The following VSTM2L variants were observed in gnomAD, a reference collection of about 807,000 sequenced individuals.
VSTM2L encodes V-set and transmembrane domain containing 2 like.
In VSTM2L, 9 loss-of-function variants were observed where a neutral mutation model predicts 19.9. That is an observed-to-expected ratio of 0.45 (90% CI 0.27 to 0.79). The LOEUF (loss-of-function observed/expected upper bound fraction) is 0.79. Ranked by LOEUF, VSTM2L falls within the 30% of genes least tolerant of loss-of-function variation. The probability of loss-of-function intolerance (pLI) is 0.15; values close to 1 mark genes in which losing one functional copy is unlikely to be tolerated. For synonymous variants in VSTM2L, 127 were observed against 133.8 expected, an observed-to-expected ratio of 0.95 and a Z score of 0.35; for missense variants, 286 against 295.5, an observed-to-expected ratio of 0.97 and a Z score of 0.24.
intron 2 of VSTM2L, among the ~76,000 whole-genome samples, chr20:37,932,687 C>A (rs1309623965): frequency 6.6e-6 from 1 of 152,142 alleles, no homozygotes; most frequent in Non-Finnish European, 1.5e-5. Flanking sequence ...TCACCTTCTC[C>A]CCTACTTGTG....
intron 3 of VSTM2L, among the ~76,000 whole-genome samples, chr20:37,934,206 C>T (rs2072926804): frequency 2.0e-5 from 3 of 152,322 alleles, no homozygotes; most frequent in South Asian, 4.1e-4. Flanking sequence ...AGCTCTTTGT[C>T]ACCAGGCTGT....
intron 3 of VSTM2L, among the ~76,000 whole-genome samples, chr20:37,936,741 A>G (rs997098887): frequency 1.3e-5 from 2 of 151,410 alleles, no homozygotes; most frequent in African/African-American, 4.9e-5. Context: ...CACCTCCTCG[A>G]CTCTCCCTTT....
At chr20:37,921,438 G>C (rs1284938508) in intron 1 of VSTM2L, among the ~76,000 whole-genome samples, 1 of 152,192 alleles carries the variant, frequency 6.6e-6, no homozygotes, top group Non-Finnish European at 1.5e-5. Context: ...CCGGAGTAGG[G>C]AAAATGGGAT....
intron 3 of VSTM2L, among the ~76,000 whole-genome samples, chr20:37,940,438 G>C (rs2072965577): frequency 6.6e-6 from 1 of 152,256 alleles, no homozygotes; most frequent in Non-Finnish European, 1.5e-5. Flanking sequence ...GGAAGGCTCA[G>C]CATGAGGGAG....
At chr20:37,919,257 T>C (rs1219123991) in intron 1 of VSTM2L, among the ~76,000 whole-genome samples, 3 of 152,218 alleles carry the variant, frequency 2.0e-5, no homozygotes, top group African/African-American at 7.2e-5. Context: ...CTTCTTGGCT[T>C]CTTAGGAAGA....
At chr20:37,922,171 G>A (rs375082045) in intron 1 of VSTM2L, among the ~76,000 whole-genome samples, 8 of 152,074 alleles carry the variant, frequency 5.3e-5, no homozygotes, top group Non-Finnish European at 8.8e-5. Context: ...AACAGAAACT[G>A]TGCCTGTTCA....
At chr20:37,922,210 C>T (rs1438763087) in intron 1 of VSTM2L, among the ~76,000 whole-genome samples, 1 of 152,150 alleles carries the variant, frequency 6.6e-6, no homozygotes, top group East Asian at 1.9e-4. Context: ...TGCCCCCAGC[C>T]CCTGGCAACC....
chr20:37,945,320 A>C lies in VSTM2L; in HGVS notation c.*1067A>C, dbSNP rs1463459609. 9 of 972,076 alleles carry C rather than the reference A, an allele frequency of 9.3e-6. No individual in the cohort carries two copies. The East Asian group carries it at 9.2e-4, about 99-fold the overall frequency. 60.2% of individuals were successfully genotyped at this position (972,076 alleles called of 1,614,324 possible). On this transcript the variant is annotated 3_prime_UTR_variant, in exon 4 of 4. Coordinates refer to ENST00000373461, the MANE Select transcript of VSTM2L (RefSeq NM_080607.3). ...ATACATGATCCAGTCTGTGACTACC[A>C]GCCAACCTGAATAAAGCGGTTTTAA...
intron 3 of VSTM2L, among the ~76,000 whole-genome samples, chr20:37,939,245 A>G (rs940997795): frequency 2.0e-5 from 3 of 152,012 alleles, no homozygotes; most frequent in African/African-American, 7.2e-5. Context: ...TCTCCACAGA[A>G]AGATACAAAA....
intron 1 of VSTM2L, among the ~76,000 whole-genome samples, chr20:37,928,421 C>A (rs1198851804): frequency 1.3e-5 from 2 of 151,794 alleles, no homozygotes; most frequent in African/African-American, 4.8e-5. Flanking sequence ...CCCTGCTCCA[C>A]CACTGCCCAG....
At chr20:37,911,611 G>A (rs2072780353) in intron 1 of VSTM2L, among the ~76,000 whole-genome samples, 1 of 152,216 alleles carries the variant, frequency 6.6e-6, no homozygotes, top group Non-Finnish European at 1.5e-5. Context: ...CTGTGTTGAG[G>A]CGTGGGGGAC....
intron 1 of VSTM2L, among the ~76,000 whole-genome samples, chr20:37,912,557 C>A (rs2072786098): frequency 6.6e-6 from 1 of 152,154 alleles, no homozygotes; most frequent in Admixed American, 6.5e-5. Context: ...GCAGTGCAGG[C>A]TGAGAGGGAG....
Position 37,913,123 on chromosome 20 carries a change from ATGAG to A in VSTM2L, c.121+9660_121+9663del, listed in dbSNP as rs1320823953. ...CACTCAGTAAATGTCAGGTGAATGA[ATGAG>A]TGAGTGACCAAATGGCAAAGCTGGA... On this transcript the variant is annotated intron_variant, in intron 1 of 3. Coordinates refer to ENST00000373461, the MANE Select transcript of VSTM2L (RefSeq NM_080607.3). Among the ~76,000 whole-genome samples the A allele has an allele frequency of 2.0e-5, 3 of 152,206 alleles. No individual in the cohort carries two copies. The East Asian group carries it at 5.8e-4, about 29-fold the overall frequency.
intron 1 of VSTM2L, among the ~76,000 whole-genome samples, chr20:37,926,749 G>GT (rs2072881462): frequency 6.6e-6 from 1 of 152,168 alleles, no homozygotes; most frequent in African/African-American, 2.4e-5. Context: ...CCGTGGAAGG[G>GT]TTACTCCCTG....
intron 3 of VSTM2L, 77 bp from the exon 4 acceptor site, chr20:37,943,904 T>TGGGG: frequency 1.8e-6 from 2 of 1,101,868 alleles, no homozygotes; most frequent in Non-Finnish European, 2.4e-6. Context: ...CATGCGATCT[T>TGGGG]GGGACCCCCC....
Position 37,944,634 on chromosome 20 carries a change from G to A in VSTM2L, c.*381G>A, listed in dbSNP as rs952300087. Reference sequence around the variant, plus strand: ...TCCTGAGCCGGGGCCCCCCAGCCTCGCCTCCCTCCTCCTACCATCCCTCAC... The same window carrying A: ...TCCTGAGCCGGGGCCCCCCAGCCTCACCTCCCTCCTCCTACCATCCCTCAC... On this transcript the variant is annotated 3_prime_UTR_variant, in exon 4 of 4. Coordinates refer to ENST00000373461, the MANE Select transcript of VSTM2L (RefSeq NM_080607.3). 4.8e-5 allele frequency: 49 copies of A among 1,023,792 alleles called. No homozygotes were observed. In the African/African-American group the frequency reaches 7.7e-4, roughly 16 times the overall value. The allele number at this position is 1,023,792 out of a possible 1,614,324, so 63.4% of individuals were successfully genotyped here. A position where few individuals can be genotyped will look rare whatever the true frequency, so the allele number is the denominator to read the frequency against.
intron 2 of VSTM2L, among the ~76,000 whole-genome samples, chr20:37,933,287 A>G (rs115745729): frequency 1.8e-4 from 28 of 152,294 alleles, no homozygotes; most frequent in African/African-American, 6.7e-4. Flanking sequence ...TTGTGTATCT[A>G]AATGCACAAA....
At chr20:37,943,365 T>G (rs1188646714) in intron 3 of VSTM2L, among the ~76,000 whole-genome samples, 1 of 151,306 alleles carries the variant, frequency 6.6e-6, no homozygotes, top group Non-Finnish European at 1.5e-5. Flanking sequence ...AGCCTCAAAC[T>G]CCTGGGCTCA....
chr20:37,903,225 G>A lies in VSTM2L; in HGVS notation c.-126G>A. 8.5e-7 allele frequency: 1 copy of A among 1,178,258 alleles called. No homozygotes were observed. Among genetic ancestry groups the A allele is most frequent in the East Asian group, 3.5e-5 (1 of 28,822 alleles). 73.0% of individuals were successfully genotyped at this position (1,178,258 alleles called of 1,614,324 possible). On this transcript the variant is annotated 5_prime_UTR_variant, in exon 1 of 4. Coordinates refer to ENST00000373461, the MANE Select transcript of VSTM2L (RefSeq NM_080607.3). ...GGGAGCTGGGCCGGGTCCGGGGACA[G>A]CGGGCGAGGGGCAGCTGCCGGAGCC...
Sources: gnomAD v4.1 joint callset for allele counts (sites outside exome capture counted in the v4.1 genomes callset) on GRCh38, gnomAD v4.1.1 for gene constraint, MANE v1.5 for transcripts, NCBI Gene and HGNC (gene_info 2026-07-23, HGNC 2026-07-21) for gene names.